GABRB2: variants seen among roughly 807,000 people sequenced by gnomAD.
GABRB2 encodes gamma-aminobutyric acid receptor subunit beta-2.
Under a neutral mutation model 54.7 loss-of-function variants are expected in GABRB2, and 16 were observed. That is an observed-to-expected ratio of 0.29 (90% confidence interval 0.20 to 0.44). The LOEUF (loss-of-function observed/expected upper bound fraction) is 0.44, where lower values mean the gene tolerates loss of function less well. Among genes scored for constraint, GABRB2 ranks in the 20% least tolerant of loss-of-function variants. The pLI, the probability that GABRB2 is intolerant of heterozygous loss-of-function variation, is 1.00. For missense variants in GABRB2, 355 were observed against 644.0 expected (o/e 0.55, Z 4.86); for synonymous variants, 244 against 233.8 (o/e 1.04, Z -0.40).
At chr5:161,317,357 A>C (rs185555446) in intron 9 of GABRB2, among the ~76,000 whole-genome samples, 1 of 152,180 alleles carries the variant, frequency 6.6e-6, no homozygotes, top group Admixed American at 6.5e-5. Context: ...TATAAAGAGA[A>C]AAGCAGAAGT....
At position 161,367,501 on chromosome 5, in the gene GABRB2, T is replaced by G. The variant is rs200596282; in HGVS notation, c.542-30732A>C. On this transcript the variant is annotated intron_variant, in intron 5 of 9. Transcript: ENST00000393959. ...TGCTTAACTATTCTGAGTTAACGTA[T>G]TTTTTTTCTCTAAAAGCAGAGACTA... Among the ~76,000 whole-genome samples the G allele has an allele frequency of 2.9e-3, 299 of 104,800 alleles. 9 individuals are homozygous for G. In the East Asian group the frequency reaches 0.064, roughly 22 times the overall value. The allele number at this position is 104,800 out of a possible 152,430, so 68.8% of individuals were successfully genotyped here. A position where few individuals can be genotyped will look rare whatever the true frequency, so the allele number is the denominator to read the frequency against.
At chr5:161,472,876 G>A (rs143675136) in intron 3 of GABRB2, among the ~76,000 whole-genome samples, 1 of 151,950 alleles carries the variant, frequency 6.6e-6, no homozygotes, top group East Asian at 1.9e-4. Context: ...CACTTGGGTT[G>A]AACCATTAAA....
intron 4 of GABRB2, among the ~76,000 whole-genome samples, chr5:161,428,880 G>T (rs1452387964): frequency 6.6e-6 from 1 of 151,626 alleles, no homozygotes; most frequent in Non-Finnish European, 1.5e-5. Context: ...AAACAATTAG[G>T]GCATCTACCT....
intron 4 of GABRB2, among the ~76,000 whole-genome samples, chr5:161,419,708 CA>C (rs1756792345): frequency 1.3e-5 from 2 of 152,156 alleles, no homozygotes; most frequent in Non-Finnish European, 2.9e-5. Context: ...AATTCAGAAA[CA>C]GAAAGGTAAA....
intron 7 of GABRB2, among the ~76,000 whole-genome samples, chr5:161,334,156 A>C (rs745669982): frequency 2.0e-5 from 3 of 152,210 alleles, no homozygotes; most frequent in Non-Finnish European, 4.4e-5. Context: ...AGATCGTGTA[A>C]AAGGCCATAA....
At chr5:161,523,494 T>C (rs933354122) in intron 3 of GABRB2, among the ~76,000 whole-genome samples, 3 of 151,548 alleles carry the variant, frequency 2.0e-5, no homozygotes, top group African/African-American at 7.2e-5. Context: ...CATTGCTGAC[T>C]TTCCTGCTTT....
In GABRB2 at chr5:161,358,682, G is replaced by A. The variant is rs149654141; in HGVS notation, c.542-21913C>T. ...GTGTGGATTCTGGTAGGTGGGTAGA[G>A]GTAGTGGTGGGAGTATTCAGTGCTC... On this transcript the variant is annotated intron_variant, in intron 5 of 9. Transcript: ENST00000393959. Among the ~76,000 whole-genome samples the A allele has an allele frequency of 4.3e-3, 656 of 152,242 alleles. 4 individuals carry two copies. Among genetic ancestry groups the A allele is most frequent in the Middle Eastern group, 0.034 (10 of 294 alleles).
chr5:161,494,538 CGTGTGTGTGT>C (rs35292247), intron 3 of GABRB2, among the ~76,000 whole-genome samples: 15 of 146,242 alleles, frequency 1.0e-4, no homozygotes, highest in African/African-American at 2.3e-4. Context: ...GTTAGGTATG[CGTGTGTGTGT>C]GTGTGTGTGT....
intron 5 of GABRB2, among the ~76,000 whole-genome samples, chr5:161,385,947 GGTGTGTGT>G (rs70990781): frequency 0.047 from 4,384 of 93,286 alleles, 85 homozygotes; most frequent in Non-Finnish European, 0.056. Flanking sequence ...CCTATTGTCT[GGTGTGTGT>G]GTGTGTGTGT....
intron 5 of GABRB2, among the ~76,000 whole-genome samples, chr5:161,386,931 T>C (rs1454351735): frequency 1.3e-5 from 2 of 151,410 alleles, no homozygotes; most frequent in Non-Finnish European, 2.9e-5. Flanking sequence ...CGCGTAAAAA[T>C]GTATAGTGTA....
At chr5:161,460,284 G>A (rs1051770066) in intron 3 of GABRB2, among the ~76,000 whole-genome samples, 20 of 152,240 alleles carry the variant, frequency 1.3e-4, no homozygotes, top group African/African-American at 4.8e-4. Flanking sequence ...GTGTGTGTGT[G>A]TGTGTGTGTG....
intron 3 of GABRB2, among the ~76,000 whole-genome samples, chr5:161,542,860 A>G (rs1760862251): frequency 6.6e-6 from 1 of 152,230 alleles, no homozygotes; most frequent in African/African-American, 2.4e-5. Context: ...ACCTACATAC[A>G]GGGTACAACA....
intron 9 of GABRB2, among the ~76,000 whole-genome samples, chr5:161,325,164 C>A (rs760706063): frequency 5.9e-5 from 9 of 151,944 alleles, no homozygotes; most frequent in Non-Finnish European, 8.8e-5. Context: ...ACAATTGACC[C>A]AGAATAATGC....
At chr5:161,545,103 A>C in intron 3 of GABRB2, 124 bp downstream of exon 3, 2 of 588,906 alleles carry the variant, frequency 3.4e-6, no homozygotes, top group Non-Finnish European at 5.9e-6. Context: ...GTGAAATTCC[A>C]TGCTCTCACC....
intron 3 of GABRB2, among the ~76,000 whole-genome samples, chr5:161,512,730 C>A (rs1260765610): frequency 6.6e-6 from 1 of 151,982 alleles, no homozygotes; most frequent in African/African-American, 2.4e-5. Context: ...CCTAATTGAA[C>A]TAAAGAGCGT....
Position 161,410,833 on chromosome 5 carries a change from T to G in GABRB2, c.541+142A>C, listed in dbSNP as rs1756490941. On this transcript the variant is annotated intron_variant, in intron 5 of 9. Transcript: ENST00000393959. ...GCAGCATAACTGAGAAAAGATGCTGTCAATGCTTCCCTCAACCAAATTTAG... is the reference window on the plus strand; with the variant it reads ...GCAGCATAACTGAGAAAAGATGCTGGCAATGCTTCCCTCAACCAAATTTAG... 1.5e-4 allele frequency: 84 copies of G among 579,254 alleles called. 1 individual carries two copies. The South Asian group carries it at 1.9e-3, about 13-fold the overall frequency. 35.9% of individuals were successfully genotyped at this position (579,254 alleles called of 1,614,324 possible).
At chr5:161,305,216 C>A (rs1757655104) in intron 9 of GABRB2, among the ~76,000 whole-genome samples, 1 of 151,294 alleles carries the variant, frequency 6.6e-6, no homozygotes. Context: ...CGGGGTTTCA[C>A]CCTGTTAGCC....
intron 3 of GABRB2, among the ~76,000 whole-genome samples, chr5:161,469,682 CAT>C (rs1758383425): frequency 3.8e-5 from 4 of 105,306 alleles, no homozygotes; most frequent in African/African-American, 1.5e-4. Context: ...CACACATACA[CAT>C]ACACATACAC....
intron 4 of GABRB2, among the ~76,000 whole-genome samples, chr5:161,453,728 C>T (rs573345011): frequency 2.0e-5 from 3 of 152,000 alleles, no homozygotes; most frequent in East Asian, 3.9e-4. Flanking sequence ...CAATTTTAAG[C>T]TTTTTTAATA....
Sources: allele counts gnomAD v4.1 joint callset (sites outside exome capture counted in the v4.1 genomes callset), GRCh38; gene constraint gnomAD v4.1.1; transcripts MANE v1.5; gene names NCBI Gene and HGNC (gene_info 2026-07-23, HGNC 2026-07-21).